SQLE: variants seen among roughly 807,000 people sequenced by gnomAD.
The protein encoded by SQLE is squalene epoxidase.
A neutral mutation model predicts 60.7 loss-of-function variants in SQLE; 29 were observed. The ratio of observed to expected loss-of-function variants is 0.48; its 90% CI spans 0.36 to 0.65. SQLE has a LOEUF of 0.65. Ranked by LOEUF, SQLE falls within the 30% of genes least tolerant of loss-of-function variation. The pLI is 0.00. For synonymous variants in SQLE, 237 were observed against 246.8 expected (o/e 0.96, Z 0.37); for missense variants, 605 against 684.1 (o/e 0.88, Z 1.29).
rs1444699727 is a variant in SQLE at position 124,999,278 on chromosome 8, C to T, written c.-126C>T. 5 of 872,420 alleles carry T rather than the reference C, an allele frequency of 5.7e-6. No homozygotes were observed. The highest frequency in any genetic ancestry group is 7.8e-6 in the Non-Finnish European group (5 of 638,790). The allele number at this position is 872,420 out of a possible 1,614,324, so 54.0% of individuals were successfully genotyped here. The stretch of plus-strand genomic sequence containing the variant: ...TCTGATCGGACTTCTCGTCCTGGGA[C>T]ACTGTTTACTGGAGTCTGGCCGGCT... On this transcript the variant is annotated 5_prime_UTR_variant, in exon 1 of 11. Coordinates refer to ENST00000265896, the MANE Select transcript of SQLE (RefSeq NM_003129.4).
intron 7 of SQLE, among the ~76,000 whole-genome samples, chr8:125,013,294 C>T (rs928765501): frequency 1.2e-4 from 18 of 150,698 alleles, no homozygotes; most frequent in Non-Finnish European, 2.4e-4. Context: ...CTTTTGATGT[C>T]ATATTTAGGA....
rs1323438128 is a variant in SQLE, at chr8:125,011,611, C to T, written c.1183C>T (p.Pro395Ser). ...LRSMPASFLPPSSVKKRGVLL... is the reference protein window; with the variant it reads ...LRSMPASFLPSSSVKKRGVLL... Reference sequence around the variant, plus strand: ...GTCCATGCCAGCAAGCTTCCTTCCTCCTTCATCAGTGAAGAAACGAGGTAT... The same window carrying T: ...GTCCATGCCAGCAAGCTTCCTTCCTTCTTCATCAGTGAAGAAACGAGGTAT... Residue 395 changes from proline to serine, a missense_variant, in exon 7 of 11, where the codon CCT becomes TCT. Coordinates refer to ENST00000265896, the MANE Select transcript of SQLE (RefSeq NM_003129.4). 6.3e-7 allele frequency: 1 copy of T among 1,580,806 alleles called. No individual in the cohort carries two copies. Among genetic ancestry groups the T allele is most frequent in the African/African-American group, 1.3e-5 (1 of 74,374 alleles).
intron 7 of SQLE, among the ~76,000 whole-genome samples, chr8:125,013,273 C>T (rs140335051): frequency 5.3e-5 from 8 of 151,288 alleles, no homozygotes; most frequent in Non-Finnish European, 1.0e-4. Context: ...TTTTTTCTTT[C>T]GTTGCTTGTG....
At chr8:125,009,403 G>A (rs1815006123) in intron 6 of SQLE, 60 bp downstream of exon 6, 6 of 1,439,870 alleles carry the variant, frequency 4.2e-6, no homozygotes, top group Non-Finnish European at 5.6e-6. Context: ...CAGAGATAAG[G>A]ATGGCAGGTG....
In SQLE at chr8:124,999,614, T is replaced by A; in HGVS notation, c.211T>A (p.Ser71Thr). 1.2e-6 allele frequency: 2 copies of A among 1,613,578 alleles called. No individual in the cohort carries two copies. The highest frequency in any genetic ancestry group is 1.1e-5 in the South Asian group (1 of 90,966). The change falls in exon 1 of 11, where the codon TCA (serine) becomes ACA (threonine). Residue 71 changes from serine to threonine, a missense_variant. Transcript: ENST00000265896. ...GTTCGCCCTCTTCTCGGATATTCTC[T>A]CAGGCCTGCCTTTCATTGGCTTCTT... is the stretch of plus-strand genomic sequence containing the variant. ...SQFALFSDIL[S>T]GLPFIGFFWA...
At chr8:125,008,123 CTT>C (rs1563597391) in intron 4 of SQLE, among the ~76,000 whole-genome samples, 1 of 152,094 alleles carries the variant, frequency 6.6e-6, no homozygotes, top group Non-Finnish European at 1.5e-5. Context: ...GAGTTTCACT[CTT>C]GTTGCCCAGG....
intron 6 of SQLE, among the ~76,000 whole-genome samples, chr8:125,010,521 TA>T (rs200247740): frequency 2.4e-4 from 37 of 152,280 alleles, no homozygotes; most frequent in African/African-American, 8.7e-4. Context: ...TTTTTCAAGT[TA>T]TTTTTTAAAC....
chr8:125,013,783 A>G (rs1199748322), intron 7 of SQLE, among the ~76,000 whole-genome samples: 4 of 151,854 alleles, frequency 2.6e-5, no homozygotes, highest in African/African-American at 9.7e-5. Context: ...GTGTGTGGAT[A>G]TTCAGTTGTC....
In SQLE at chr8:124,999,347, C is replaced by T; in HGVS notation, c.-57C>T. 1.4e-6 allele frequency: 2 copies of T among 1,457,420 alleles called. No homozygotes were observed. Among genetic ancestry groups the T allele is most frequent in the East Asian group, 2.5e-5 (1 of 40,512 alleles). 90.3% of individuals were successfully genotyped at this position (1,457,420 alleles called of 1,614,324 possible). A position where few individuals can be genotyped will look rare whatever the true frequency, so the allele number is the denominator to read the frequency against. On this transcript the variant is annotated 5_prime_UTR_variant, in exon 1 of 11. Transcript: ENST00000265896. ...ACCTCATTTTGGGGAGAACCTTAAA[C>T]CCACTCGAGCAGATAATCTCCGCCT... is the stretch of plus-strand genomic sequence containing the variant.
At position 125,018,665 on chromosome 8, in the gene SQLE, C is replaced by G. The variant is rs1266390048; in HGVS notation, c.1382C>G (p.Ser461Cys). ...KKSFYWARKT[S>C]HSFVVNILAQ... ...TCATTTTACTGGGCAAGAAAAACAT[C>G]TCATTCCTTTGTCGTGAATATCCTT... Residue 461 changes from serine (S) to cysteine (C), a missense_variant, in exon 9 of 11, where the codon TCT (serine) becomes TGT (cysteine). Coordinates refer to ENST00000265896, the MANE Select transcript of SQLE (RefSeq NM_003129.4). 1 of 1,605,478 alleles carries G rather than the reference C, an allele frequency of 6.2e-7. No individual in the cohort carries two copies. The highest frequency in any genetic ancestry group is 8.5e-7 in the Non-Finnish European group (1 of 1,177,706).
chr8:125,011,441 T>C (rs1815038397), intron 6 of SQLE, 96 bp from the exon 7 acceptor site: 2 of 872,386 alleles, frequency 2.3e-6, no homozygotes, highest in Admixed American at 4.7e-5. Context: ...AACAGATGTA[T>C]AGTAGGCATT....
intron 9 of SQLE, among the ~76,000 whole-genome samples, chr8:125,019,974 C>CT (rs1046522834): frequency 1.3e-5 from 2 of 151,996 alleles, no homozygotes; most frequent in Admixed American, 6.6e-5. Context: ...ATGAAAGTAA[C>CT]TAAGTTTAGA....
Position 125,021,759 on chromosome 8 carries a change from T to C in SQLE, c.1539T>C (p.Ser513=), listed in dbSNP as rs911465639. The change falls in exon 11 of 11, where the codon TCT becomes TCC. Residue 513 remains serine, a synonymous_variant. Transcript: ENST00000265896. ...AGPVGLLSVL[S]PNPLVLIGHF... is the part of the protein sequence containing the mutation. ...GTATTTTTTTCTATTACAGATTGTCTCCTAACCCTCTAGTTTTAATTGGAC... is the reference window on the plus strand; with the variant it reads ...GTATTTTTTTCTATTACAGATTGTCCCCTAACCCTCTAGTTTTAATTGGAC... The C allele has an allele frequency of 6.3e-7, 1 of 1,598,574 alleles. No homozygotes were observed. The highest frequency in any genetic ancestry group is 8.5e-7 in the Non-Finnish European group (1 of 1,171,586).
At chr8:125,001,488 G>GTATA (rs1554587050) in intron 1 of SQLE, among the ~76,000 whole-genome samples, 1 of 113,718 alleles carries the variant, frequency 8.8e-6, no homozygotes, top group Non-Finnish European at 1.9e-5. Context: ...GTGTGTGTGT[G>GTATA]TATATAAAAC....
In SQLE at chr8:125,009,155, CTTTTTA is replaced by C. The variant is rs1815002388; in HGVS notation, c.937-13_937-8del. On this transcript the variant is annotated splice_polypyrimidine_tract_variant and intron_variant, in intron 5 of 10. Transcript: ENST00000265896. Reference sequence around the variant, plus strand: ...AATTTGAAAATTATTAAAACATTTTCTTTTTATTTGTTTTAGAATGCACCACAGTTT... The same window carrying C: ...AATTTGAAAATTATTAAAACATTTTCTTTGTTTTAGAATGCACCACAGTTT... 1.9e-6 allele frequency: 3 copies of C among 1,572,464 alleles called. No homozygotes were observed. Among genetic ancestry groups the C allele is most frequent in the Non-Finnish European group, 1.7e-6 (2 of 1,162,226 alleles).
At position 124,999,500 on chromosome 8, in the gene SQLE, C is replaced by A; in HGVS notation, c.97C>A (p.Leu33Met). 1 of 1,607,826 alleles carries A rather than the reference C, an allele frequency of 6.2e-7. No homozygotes were observed. Among genetic ancestry groups the A allele is most frequent in the Non-Finnish European group, 8.5e-7 (1 of 1,176,644 alleles). Residue 33 changes from leucine to methionine, a missense_variant, in exon 1 of 11, where the codon CTG (leucine) becomes ATG (methionine). Coordinates refer to ENST00000265896, the MANE Select transcript of SQLE (RefSeq NM_003129.4). ...LANREVLLCV[L>M]VFLSLGLVLS... ...CAACAGGGAGGTCCTGTTGTGCGTGCTGGTGTTCCTCTCGCTGGGCCTGGT... is the reference window on the plus strand; with the variant it reads ...CAACAGGGAGGTCCTGTTGTGCGTGATGGTGTTCCTCTCGCTGGGCCTGGT...
intron 2 of SQLE, 62 bp downstream of exon 2, chr8:125,003,490 C>A: frequency 6.5e-7 from 1 of 1,549,284 alleles, no homozygotes; most frequent in South Asian, 1.2e-5. Context: ...TCACTTAGAC[C>A]ATCCTATGAC....
chr8:125,021,691 G>A (rs1815207900), intron 10 of SQLE, 62 bp from the exon 11 acceptor site: 6 of 1,225,376 alleles, frequency 4.9e-6, no homozygotes, highest in Middle Eastern at 2.0e-4. Flanking sequence ...ATATGTAATT[G>A]GAACCTTTGG....
chr8:125,014,059 T>A (rs779124598), intron 7 of SQLE, among the ~76,000 whole-genome samples: 12 of 152,154 alleles, frequency 7.9e-5, no homozygotes, highest in African/African-American at 2.4e-4. Flanking sequence ...TGGAGGATGG[T>A]TTGGAGGAAA....
Sources: gnomAD v4.1 joint callset for allele counts (sites outside exome capture counted in the v4.1 genomes callset) on GRCh38, gnomAD v4.1.1 for gene constraint, MANE v1.5 for transcripts, NCBI Gene and HGNC (gene_info 2026-07-23, HGNC 2026-07-21) for gene names.